Variants in VEGFC observed in about 807,000 individuals in gnomAD.
VEGFC encodes the protein vascular endothelial growth factor C.
VEGFC carries 12 observed loss-of-function variants against 46.1 expected under a neutral mutation model. The ratio of observed to expected loss-of-function variants is 0.26; its 90% CI spans 0.17 to 0.42. The LOEUF (loss-of-function observed/expected upper bound fraction) is 0.42, where lower values mean the gene tolerates loss of function less well. Ranked by LOEUF, VEGFC falls within the 10% of genes least tolerant of loss-of-function variation. The pLI is 1.00. For synonymous variants in VEGFC, 232 were observed against 195.5 expected (o/e 1.19, Z -1.56); for missense variants, 488 against 529.4 (o/e 0.92, Z 0.77).
chr4:176,729,203 T>A (rs1579109809), intron 2 of VEGFC, among the ~76,000 whole-genome samples: 1 of 152,226 alleles, frequency 6.6e-6, no homozygotes, highest in Non-Finnish European at 1.5e-5. Context: ...TATAATTATT[T>A]GATAAGATAA....
At chr4:176,747,386 C>T (rs1457236390) in intron 1 of VEGFC, among the ~76,000 whole-genome samples, 1 of 151,578 alleles carries the variant, frequency 6.6e-6, no homozygotes, top group African/African-American at 2.4e-5. Context: ...AAAACAAATC[C>T]CTTTTAAAAA....
intron 3 of VEGFC, among the ~76,000 whole-genome samples, chr4:176,716,269 A>G (rs1279088450): frequency 1.3e-5 from 2 of 152,192 alleles, no homozygotes; most frequent in African/African-American, 4.8e-5. Context: ...CCTTGCCTCT[A>G]TGCTGATCAG....
chr4:176,716,651 C>A (rs1734705855), intron 3 of VEGFC, among the ~76,000 whole-genome samples: 1 of 132,084 alleles, frequency 7.6e-6, no homozygotes, highest in South Asian at 2.5e-4. Context: ...TGAATGAGAA[C>A]ATACATATAC....
At chr4:176,720,333 A>T (rs1428366387) in intron 3 of VEGFC, among the ~76,000 whole-genome samples, 1 of 152,166 alleles carries the variant, frequency 6.6e-6, no homozygotes, top group Admixed American at 6.5e-5. Flanking sequence ...AAAATTTTAG[A>T]ATTGTACATC....
intron 1 of VEGFC, among the ~76,000 whole-genome samples, chr4:176,783,666 C>A (rs1454064865): frequency 6.6e-6 from 1 of 152,126 alleles, no homozygotes; most frequent in East Asian, 1.9e-4. Context: ...GGTCTATGGA[C>A]ACCTGTGCTG....
chr4:176,710,834 A>G (rs1046094935), intron 4 of VEGFC, among the ~76,000 whole-genome samples: 2 of 152,158 alleles, frequency 1.3e-5, no homozygotes, highest in East Asian at 1.9e-4. Context: ...AAGTTCTCCT[A>G]TATGATCACA....
intron 1 of VEGFC, among the ~76,000 whole-genome samples, chr4:176,743,316 A>T (rs1052116890): frequency 2.0e-4 from 30 of 152,138 alleles, no homozygotes; most frequent in African/African-American, 7.2e-4. Context: ...GGACAAAAAA[A>T]TCTGTAATAA....
At chr4:176,751,743 C>T (rs1735345736) in intron 1 of VEGFC, among the ~76,000 whole-genome samples, 1 of 151,544 alleles carries the variant, frequency 6.6e-6, no homozygotes, top group African/African-American at 2.4e-5. Flanking sequence ...AAAAAAAAAG[C>T]ATAAAAATAT....
chr4:176,693,408 G>A (rs373250932), intron 4 of VEGFC, among the ~76,000 whole-genome samples: 3 of 137,432 alleles, frequency 2.2e-5, no homozygotes, highest in African/African-American at 6.7e-5. Context: ...GAAATGAAGC[G>A]AGAAGGGAAG....
chr4:176,729,466 A>G (rs1030486007), intron 2 of VEGFC, 67 bp downstream of exon 2: 1 of 1,423,968 alleles, frequency 7.0e-7, no homozygotes, highest in South Asian at 1.4e-5. Context: ...AAATTAAAGA[A>G]CCAGGCTGGC....
intron 1 of VEGFC, among the ~76,000 whole-genome samples, chr4:176,785,517 T>C (rs1735988192): frequency 6.6e-6 from 1 of 152,234 alleles, no homozygotes; most frequent in South Asian, 2.1e-4. Context: ...AAAGTATTTA[T>C]ATTGTTTATT....
At chr4:176,772,793 C>T (rs2110929835) in intron 1 of VEGFC, among the ~76,000 whole-genome samples, 1 of 152,252 alleles carries the variant, frequency 6.6e-6, no homozygotes, top group Non-Finnish European at 1.5e-5. Flanking sequence ...TGATGCCTTC[C>T]ACCATGAGAA....
At position 176,792,468 on chromosome 4, in the gene VEGFC, G is replaced by T; in HGVS notation, c.-157C>A. ...AGCCGGAGGCGGCGGGAGCGGGTCC[G>T]GGGCTCCGCGTTCCCAACTTTGCAG... On this transcript the variant is annotated 5_prime_UTR_variant, in exon 1 of 7. Coordinates refer to ENST00000618562, the MANE Select transcript of VEGFC (RefSeq NM_005429.5). The surrounding 1 kb of genome is among the most constrained non-coding windows in gnomAD (Gnocchi z 6.3). The T allele has an allele frequency of 2.0e-6, 1 of 493,182 alleles. No individual in the cohort carries two copies. The highest frequency in any genetic ancestry group is 3.3e-6 in the Non-Finnish European group (1 of 302,688). The allele number at this position is 493,182 out of a possible 1,614,324, so 30.6% of individuals were successfully genotyped here.
At chr4:176,742,843 G>C (rs77162391) in intron 1 of VEGFC, among the ~76,000 whole-genome samples, 240 of 152,084 alleles carry the variant, frequency 1.6e-3, no homozygotes, top group African/African-American at 5.7e-3. Context: ...GATGTGAAAA[G>C]CCAAACATTG....
chr4:176,688,085 C>T (rs538265834), intron 4 of VEGFC, among the ~76,000 whole-genome samples, 158 bp from the exon 5 acceptor site: 2 of 152,312 alleles, frequency 1.3e-5, no homozygotes, highest in South Asian at 4.1e-4. Flanking sequence ...ACTCTCTCTA[C>T]CCACAACTGC....
intron 3 of VEGFC, among the ~76,000 whole-genome samples, chr4:176,714,731 G>A (rs1290131217): frequency 3.3e-5 from 5 of 152,254 alleles, no homozygotes; most frequent in South Asian, 2.1e-4. Context: ...ACAGATTGCC[G>A]TGAGCAGTAT....
chr4:176,721,089 G>A (rs1734778747), intron 3 of VEGFC, among the ~76,000 whole-genome samples: 1 of 152,056 alleles, frequency 6.6e-6, no homozygotes, highest in Non-Finnish European at 1.5e-5. Flanking sequence ...GGAGGTGACA[G>A]ATATTGACAT....
At chr4:176,790,549 A>T (rs1160723986) in intron 1 of VEGFC, among the ~76,000 whole-genome samples, 1 of 143,094 alleles carries the variant, frequency 7.0e-6, no homozygotes. Context: ...ACACACACAC[A>T]CTCAAGGTAC....
chr4:176,757,251 G>A (rs1256003362), intron 1 of VEGFC, among the ~76,000 whole-genome samples: 1 of 151,884 alleles, frequency 6.6e-6, no homozygotes, highest in African/African-American at 2.4e-5. Context: ...GGCCATAAAG[G>A]AACACACATG....
Sources: gnomAD v4.1 joint callset for allele counts (sites outside exome capture counted in the v4.1 genomes callset) on GRCh38, gnomAD v4.1.1 for gene constraint, Gnocchi (gnomAD v3.1) non-coding constraint, MANE v1.5 for transcripts, NCBI Gene and HGNC (gene_info 2026-07-23, HGNC 2026-07-21) for gene names.